The following P2RX5 variants were observed in gnomAD, a reference collection of about 807,000 sequenced individuals.
P2RX5 encodes purinergic receptor P2X 5.
Under a neutral mutation model 54.1 loss-of-function variants are expected in P2RX5, and 46 were observed. That is an observed-to-expected ratio of 0.85 (90% CI 0.67 to 1.09). The LOEUF (loss-of-function observed/expected upper bound fraction) is 1.09, where lower values mean the gene tolerates loss of function less well. P2RX5 is among the 50% of genes least tolerant of loss of function. The probability of loss-of-function intolerance (pLI) is 0.00; values close to 1 mark genes in which losing one functional copy is unlikely to be tolerated. For missense variants in P2RX5, 566 were observed against 549.8 expected, an observed-to-expected ratio of 1.03 and a Z score of -0.29; for synonymous variants, 226 against 226.4, an observed-to-expected ratio of 1.00 and a Z score of 0.02.
rs2050588616 is a variant in P2RX5, at chr17:3,690,688, G to C, written c.361-8C>G. The C allele has an allele frequency of 6.2e-7, 1 of 1,612,742 alleles. No individual in the cohort carries two copies. Among genetic ancestry groups the C allele is most frequent in the African/African-American group, 1.3e-5 (1 of 74,928 alleles). On this transcript the variant is annotated splice_polypyrimidine_tract_variant and splice_region_variant and intron_variant, in intron 3 of 11. Coordinates refer to ENST00000225328, the MANE Select transcript of P2RX5 (RefSeq NM_002561.4). Reference sequence around the variant, plus strand: ...ATCAGGAATGCCTTCATTCTGCCAGGAGAGAAGGGGCACCTGGATGGGGGG... The same window carrying C: ...ATCAGGAATGCCTTCATTCTGCCAGCAGAGAAGGGGCACCTGGATGGGGGG...
In P2RX5 at chr17:3,681,769, C is replaced by T. The variant is rs906402702; in HGVS notation, c.1064+127G>A. 1.4e-5 allele frequency: 10 copies of T among 727,944 alleles called. No individual in the cohort carries two copies. In the African/African-American group the frequency reaches 1.4e-4, roughly 10 times the overall value. The allele number at this position is 727,944 out of a possible 1,614,324, so 45.1% of individuals were successfully genotyped here. ...TAGAGCATGTACTCAGAACACTTCT[C>T]CTCCCCGGGCCCTCCAGCCCCTGCC... On this transcript the variant is annotated intron_variant, in intron 10 of 11. Coordinates refer to ENST00000225328, the MANE Select transcript of P2RX5 (RefSeq NM_002561.4).
chr17:3,685,347 C>T lies in P2RX5; in HGVS notation c.981+2665G>A, dbSNP rs146007676. Among the ~76,000 whole-genome samples, 204 of 152,312 alleles carry T rather than the reference C, an allele frequency of 1.3e-3. 1 individual carries two copies. In the Middle Eastern group the frequency reaches 0.027, roughly 20 times the overall value. ...TGCTACCTGAGGACAGCTGGCAGAGCGTGAAATCCCAGAAAGCCCTCTTTT... is the reference window on the plus strand; with the variant it reads ...TGCTACCTGAGGACAGCTGGCAGAGTGTGAAATCCCAGAAAGCCCTCTTTT... On this transcript the variant is annotated intron_variant, in intron 9 of 11. Coordinates refer to ENST00000225328, the MANE Select transcript of P2RX5 (RefSeq NM_002561.4).
the P2RX5 span, among the ~76,000 whole-genome samples, chr17:3,711,367 A>AATCT: frequency 1.1e-5 from 1 of 88,154 alleles, no homozygotes; most frequent in African/African-American, 7.0e-5. Context: ...CCCAGCACTC[A>AATCT]TTCTTTTTTT....
chr17:3,723,501 A>G, the P2RX5 span: 6 of 989,334 alleles, frequency 6.1e-6, no homozygotes, highest in Non-Finnish European at 7.9e-6. Flanking sequence ...GAGCAATTTC[A>G]GCGCTCACCT....
At chr17:3,693,127 C>CAAAAAAAAAAAAAAA (rs34356240) in intron 1 of P2RX5, among the ~76,000 whole-genome samples, 1 of 101,680 alleles carries the variant, frequency 9.8e-6, no homozygotes, top group Non-Finnish European at 1.9e-5. Context: ...AGACATTTCT[C>CAAAAAAAAAAAAAAA]AAAAAAAAAA....
chr17:3,701,696 GAAA>G, the P2RX5 span, among the ~76,000 whole-genome samples: 48 of 73,412 alleles, frequency 6.5e-4, no homozygotes, highest in African/African-American at 2.3e-3. Context: ...CTCTGTCTCA[GAAA>G]AAAAAAAAAA....
chr17:3,693,822 T>C (rs1400524696), intron 1 of P2RX5, among the ~76,000 whole-genome samples: 1 of 151,894 alleles, frequency 6.6e-6, no homozygotes, highest in Non-Finnish European at 1.5e-5. Context: ...CTCAGAAGCA[T>C]TCTTCTTCTT....
chr17:3,695,823 C>G (rs769826529), intron 1 of P2RX5, 46 bp downstream of exon 1: 1 of 1,589,500 alleles, frequency 6.3e-7, no homozygotes, highest in East Asian at 2.2e-5. Context: ...GGCTGGCACC[C>G]GCCCTGCCCC....
chr17:3,719,245 A>AG, the P2RX5 span, among the ~76,000 whole-genome samples: 2 of 145,100 alleles, frequency 1.4e-5, no homozygotes, highest in Non-Finnish European at 3.0e-5. Flanking sequence ...CAAAAAAAAA[A>AG]AAAAAAAAAA....
the P2RX5 span, among the ~76,000 whole-genome samples, chr17:3,712,528 G>A: frequency 2.6e-5 from 4 of 152,162 alleles, no homozygotes; most frequent in Admixed American, 1.3e-4. Context: ...AGCTCTCCAC[G>A]TCCTAGTCAA....
chr17:3,711,409 G>A, the P2RX5 span, among the ~76,000 whole-genome samples: 1 of 78,254 alleles, frequency 1.3e-5, no homozygotes, highest in Non-Finnish European at 2.2e-5. Context: ...TTGAGACGGA[G>A]TCTCGCTCTG....
intron 9 of P2RX5, chr17:3,682,404 G>A (rs911072002): frequency 9.3e-6 from 3 of 321,514 alleles, no homozygotes; most frequent in Admixed American, 4.3e-5. Flanking sequence ...AGCCTGGGGA[G>A]GGTCCCTATT....
chr17:3,697,402 G>A (rs79221226), upstream of P2RX5, among the ~76,000 whole-genome samples: 1,770 of 152,226 alleles, frequency 0.012, 18 homozygotes, highest in Non-Finnish European at 0.02. Flanking sequence ...CTGGGTGAGC[G>A]CGGTGTGGTG....
the P2RX5 span, among the ~76,000 whole-genome samples, chr17:3,711,149 G>A: frequency 3.3e-5 from 5 of 152,082 alleles, no homozygotes; most frequent in South Asian, 2.1e-4. Flanking sequence ...AAGAAAGACC[G>A]GCTGGGAAAG....
At chr17:3,720,391 A>G in the P2RX5 span, 2 of 1,483,394 alleles carry the variant, frequency 1.3e-6, no homozygotes, top group Non-Finnish European at 1.9e-6. Flanking sequence ...GTTCAGTTAC[A>G]TCTTTTAGTA....
chr17:3,712,251 AG>A, the P2RX5 span, among the ~76,000 whole-genome samples: 1 of 152,214 alleles, frequency 6.6e-6, no homozygotes, highest in African/African-American at 2.4e-5. Flanking sequence ...AATATCATCA[AG>A]TGACCGATAG....
At chr17:3,723,413 T>G in the P2RX5 span, 29 of 1,483,010 alleles carry the variant, frequency 2.0e-5, no homozygotes, top group Middle Eastern at 2.2e-3. Flanking sequence ...TGAACACAAT[T>G]CCTTTCCGTG....
intron 5 of P2RX5, 97 bp downstream of exon 5, chr17:3,690,330 G>A (rs896190519): frequency 7.7e-6 from 9 of 1,163,420 alleles, no homozygotes; most frequent in African/African-American, 3.0e-5. Context: ...CTCCCTCAGC[G>A]TGAGGCTCCC....
chr17:3,694,591 T>A (rs866612860), intron 1 of P2RX5, among the ~76,000 whole-genome samples: 2 of 152,200 alleles, frequency 1.3e-5, no homozygotes, highest in Admixed American at 1.3e-4. Context: ...AGGGTGGCCA[T>A]CTGCAAGCCA....
Sources: gnomAD v4.1 joint callset for allele counts (sites outside exome capture counted in the v4.1 genomes callset) on GRCh38, gnomAD v4.1.1 for gene constraint, MANE v1.5 for transcripts, NCBI Gene and HGNC (gene_info 2026-07-23, HGNC 2026-07-21) for gene names.